The following PPARGC1A variants were observed in gnomAD, a reference collection of about 807,000 sequenced individuals.
PPARGC1A encodes PPARG coactivator 1 alpha, also known as peroxisome proliferator-activated receptor gamma coactivator 1-alpha.
In PPARGC1A, 25 loss-of-function variants were observed where a neutral mutation model predicts 88.7. That is an observed-to-expected ratio of 0.28 (90% CI 0.21 to 0.39). The LOEUF (loss-of-function observed/expected upper bound fraction) is 0.39, where lower values mean the gene tolerates loss of function less well. Ranked by LOEUF, PPARGC1A falls within the 10% of genes least tolerant of loss-of-function variation. PPARGC1A has a pLI of 1.00. For synonymous variants in PPARGC1A, 363 were observed against 355.6 expected (o/e 1.02, Z -0.24); for missense variants, 880 against 968.7 (o/e 0.91, Z 1.22).
the PPARGC1A span, among the ~76,000 whole-genome samples, chr4:24,451,583 GTTGT>G: frequency 6.6e-6 from 1 of 152,004 alleles, no homozygotes; most frequent in Non-Finnish European, 1.5e-5. Flanking sequence ...TGTTGTTGTT[GTTGT>G]TTGTTTTTTG....
At chr4:23,828,710 A>G in intron 4 of PPARGC1A, 106 bp from the exon 5 acceptor site, 1 of 965,186 alleles carries the variant, frequency 1.0e-6, no homozygotes, top group East Asian at 2.5e-5. Flanking sequence ...TGTTCAGTCT[A>G]AGTGTACTAG....
At chr4:24,295,970 C>A in the PPARGC1A span, among the ~76,000 whole-genome samples, 1 of 150,410 alleles carries the variant, frequency 6.6e-6, no homozygotes, top group African/African-American at 2.4e-5. Flanking sequence ...TGGTGAGTTG[C>A]AGAAAACTGC....
At chr4:23,813,162 A>G in intron 8 of PPARGC1A, 37 bp from the exon 9 acceptor site, 1 of 1,577,180 alleles carries the variant, frequency 6.3e-7, no homozygotes, top group Admixed American at 1.7e-5. Flanking sequence ...GGCATTTGCA[A>G]CTGCCACTTA....
chr4:24,465,057 G>A, the PPARGC1A span, among the ~76,000 whole-genome samples: 13 of 152,300 alleles, frequency 8.5e-5, 1 homozygote, highest in East Asian at 2.5e-3. Flanking sequence ...TAGAGATGGG[G>A]GTCTCCCTGT....
At chr4:24,023,157 G>A in the PPARGC1A span, among the ~76,000 whole-genome samples, 1 of 151,968 alleles carries the variant, frequency 6.6e-6, no homozygotes, top group Non-Finnish European at 1.5e-5. Context: ...ATACTTTGGA[G>A]GATTTTACTC....
chr4:24,339,497 C>G, the PPARGC1A span, among the ~76,000 whole-genome samples: 1 of 151,954 alleles, frequency 6.6e-6, no homozygotes, highest in Non-Finnish European at 1.5e-5. Flanking sequence ...GTCCCTTAAC[C>G]CAGCACATCC....
chr4:24,231,747 T>A, the PPARGC1A span, among the ~76,000 whole-genome samples: 1 of 152,116 alleles, frequency 6.6e-6, no homozygotes, highest in African/African-American at 2.4e-5. Flanking sequence ...CTTTTTTTTT[T>A]CTTCCTTTTT....
chr4:24,345,925 A>G, the PPARGC1A span, among the ~76,000 whole-genome samples: 6 of 152,112 alleles, frequency 3.9e-5, no homozygotes, highest in African/African-American at 1.4e-4. Flanking sequence ...TCTGTCATAG[A>G]TGGCTTTTAT....
At chr4:24,341,486 T>A in the PPARGC1A span, among the ~76,000 whole-genome samples, 31 of 152,274 alleles carry the variant, frequency 2.0e-4, no homozygotes, top group Non-Finnish European at 3.1e-4. Context: ...GAGCCTGCAG[T>A]CTAGCGGGTG....
chr4:24,256,573 T>G, the PPARGC1A span, among the ~76,000 whole-genome samples: 1 of 152,158 alleles, frequency 6.6e-6, no homozygotes, highest in Non-Finnish European at 1.5e-5. Context: ...AGTACAAATT[T>G]TTTTCACTCT....
chr4:24,154,012 T>C, the PPARGC1A span, among the ~76,000 whole-genome samples: 1 of 152,114 alleles, frequency 6.6e-6, no homozygotes, highest in South Asian at 2.1e-4. Flanking sequence ...CAAGAAAAGA[T>C]AAAGGACCAT....
chr4:24,123,903 A>G, the PPARGC1A span, among the ~76,000 whole-genome samples: 1 of 117,550 alleles, frequency 8.5e-6, no homozygotes, highest in South Asian at 2.7e-4. Context: ...ATAGGAATCT[A>G]AGTTGGCAAA....
rs183510013 is a variant in PPARGC1A at position 23,811,871 on chromosome 4, A to T, written c.2019+876T>A. ...TCAATTACCCAGTTAGATGACGACC[A>T]TCACGCAGAAGAAATGACTTTTTTT... On this transcript the variant is annotated intron_variant, in intron 10 of 12. Coordinates refer to ENST00000264867, the MANE Select transcript of PPARGC1A (RefSeq NM_013261.5). Among the ~76,000 whole-genome samples, 59 of 140,940 alleles carry T rather than the reference A, an allele frequency of 4.2e-4. 1 individual carries two copies. Among genetic ancestry groups the T allele is most frequent in the African/African-American group, 1.2e-3 (44 of 37,260 alleles). The allele number at this position is 140,940 out of a possible 152,430, so 92.5% of individuals were successfully genotyped here.
the PPARGC1A span, among the ~76,000 whole-genome samples, chr4:24,100,361 A>C: frequency 6.6e-6 from 1 of 152,152 alleles, no homozygotes; most frequent in Non-Finnish European, 1.5e-5. Flanking sequence ...CCTACCAAGA[A>C]ACTGCTTGTC....
chr4:23,909,620 T>C, the PPARGC1A span, among the ~76,000 whole-genome samples: 1 of 151,718 alleles, frequency 6.6e-6, no homozygotes, highest in Non-Finnish European at 1.5e-5. Flanking sequence ...GGAGGGATGA[T>C]GAGGGAGAGA....
At chr4:24,424,941 A>G in the PPARGC1A span, among the ~76,000 whole-genome samples, 1 of 152,220 alleles carries the variant, frequency 6.6e-6, no homozygotes, top group Non-Finnish European at 1.5e-5. Context: ...CCACTTAATA[A>G]ACAAGCAATC....
chr4:23,905,222 C>CT (rs1391431798), upstream of PPARGC1A, among the ~76,000 whole-genome samples: 4 of 152,226 alleles, frequency 2.6e-5, no homozygotes, highest in Non-Finnish European at 5.9e-5. Flanking sequence ...TATGATCACA[C>CT]TTTCAACTCT....
the PPARGC1A span, among the ~76,000 whole-genome samples, chr4:24,099,541 C>T: frequency 2.6e-5 from 4 of 151,888 alleles, no homozygotes; most frequent in Non-Finnish European, 5.9e-5. Flanking sequence ...TGAGAGGAGC[C>T]GGGGGATTGC....
the PPARGC1A span, among the ~76,000 whole-genome samples, chr4:24,359,398 G>A: frequency 4.6e-5 from 7 of 151,922 alleles, no homozygotes; most frequent in Non-Finnish European, 1.0e-4. Flanking sequence ...CCTTTATCCC[G>A]GTCTCTACCC....
Sources: gnomAD v4.1 joint callset for allele counts (sites outside exome capture counted in the v4.1 genomes callset) on GRCh38, gnomAD v4.1.1 for gene constraint, MANE v1.5 for transcripts, NCBI Gene and HGNC (gene_info 2026-07-23, HGNC 2026-07-21) for gene names.